The following CA10 variants were observed in gnomAD, a reference collection of about 807,000 sequenced individuals.
CA10 encodes the protein carbonic anhydrase-related protein 10.
In CA10, 14 loss-of-function variants were observed where a neutral mutation model predicts 44.2. The observed-to-expected ratio is 0.32, with a 90% CI of 0.21 to 0.50. The LOEUF (loss-of-function observed/expected upper bound fraction) is 0.50, where lower values mean the gene tolerates loss of function less well. Ranked by LOEUF, CA10 falls within the 20% of genes least tolerant of loss-of-function variation. CA10 has a pLI of 0.99. For synonymous variants in CA10, 159 were observed against 141.6 expected (o/e 1.12, Z -0.87); for missense variants, 350 against 409.7 (o/e 0.85, Z 1.26).
rs1211954051 is a variant in CA10 at position 51,938,226 on chromosome 17, G to A, written c.137-7094C>T. On this transcript the variant is annotated intron_variant, in intron 2 of 8. Coordinates refer to ENST00000451037, the MANE Select transcript of CA10 (RefSeq NM_020178.5). ...TGAGAATGTATTTATAAATGGTCTAGCATAATGTTGGCTCTATAATAAGGA... is the reference window on the plus strand; with the variant it reads ...TGAGAATGTATTTATAAATGGTCTAACATAATGTTGGCTCTATAATAAGGA... Among the ~76,000 whole-genome samples, 12 of 152,156 alleles carry A rather than the reference G, an allele frequency of 7.9e-5. No individual in the cohort carries two copies. The East Asian group carries it at 2.3e-3, about 29-fold the overall frequency.
At chr17:51,830,745 C>T (rs1178087488) in intron 3 of CA10, among the ~76,000 whole-genome samples, 1 of 152,116 alleles carries the variant, frequency 6.6e-6, no homozygotes, top group Non-Finnish European at 1.5e-5. Flanking sequence ...TTGACTGACA[C>T]TGGCTTAAGG....
At chr17:51,746,087 A>AT (rs1194392326) in intron 4 of CA10, among the ~76,000 whole-genome samples, 3 of 151,904 alleles carry the variant, frequency 2.0e-5, no homozygotes, top group African/African-American at 4.8e-5. Context: ...CAATCCTAGT[A>AT]TTTTTTTTCC....
chr17:52,105,205 A>G (rs1302399006), intron 1 of CA10, among the ~76,000 whole-genome samples: 1 of 113,588 alleles, frequency 8.8e-6, no homozygotes, highest in African/African-American at 3.0e-5. Flanking sequence ...CTGGCTTCCT[A>G]TTAAACTCTC....
rs149602723 is a variant in CA10 at position 52,078,743 on chromosome 17, C to G, written c.62-6350G>C. Among the ~76,000 whole-genome samples, 559 of 152,272 alleles carry G rather than the reference C, an allele frequency of 3.7e-3. 5 individuals carry two copies. The highest frequency in any genetic ancestry group is 0.013 in the African/African-American group (523 of 41,548). On this transcript the variant is annotated intron_variant, in intron 1 of 8. Coordinates refer to ENST00000451037, the MANE Select transcript of CA10 (RefSeq NM_020178.5). ...CAGGAACATTGAGAAGTGCATGGAT[C>G]GTCAGAAGAAACATAAATGACTGCC... is the stretch of plus-strand genomic sequence containing the variant.
chr17:51,805,334 C>T (rs569237589), intron 3 of CA10, among the ~76,000 whole-genome samples: 4 of 152,258 alleles, frequency 2.6e-5, no homozygotes, highest in African/African-American at 9.6e-5. Flanking sequence ...AAAAGTCTCT[C>T]CCTTAAGGGA....
At chr17:51,757,431 A>C (rs1905106328) in intron 3 of CA10, among the ~76,000 whole-genome samples, 1 of 152,236 alleles carries the variant, frequency 6.6e-6, no homozygotes, top group African/African-American at 2.4e-5. Flanking sequence ...CAGGAAACTG[A>C]GACACAGAGT....
chr17:52,119,904 A>G (rs1988975885), intron 1 of CA10, among the ~76,000 whole-genome samples: 1 of 152,198 alleles, frequency 6.6e-6, no homozygotes, highest in Admixed American at 6.5e-5. Flanking sequence ...CTGTGAACCA[A>G]CCAGTGATCT....
At chr17:51,969,224 G>T (rs1984190312) in intron 2 of CA10, among the ~76,000 whole-genome samples, 1 of 151,888 alleles carries the variant, frequency 6.6e-6, no homozygotes, top group South Asian at 2.1e-4. Context: ...CAGTAATATG[G>T]TTATTACAAA....
chr17:51,911,839 AT>A (rs1008379701), intron 3 of CA10, among the ~76,000 whole-genome samples: 33 of 152,182 alleles, frequency 2.2e-4, no homozygotes, highest in Non-Finnish European at 1.5e-5. Context: ...GTCCAAAAAA[AT>A]ATAATAAGCA....
At chr17:51,935,019 G>GT (rs1240131264) in intron 2 of CA10, among the ~76,000 whole-genome samples, 1 of 152,090 alleles carries the variant, frequency 6.6e-6, no homozygotes, top group East Asian at 1.9e-4. Flanking sequence ...AAGGATGGGC[G>GT]TATGAATGAA....
chr17:52,075,244 G>T (rs1180814396), intron 1 of CA10, among the ~76,000 whole-genome samples: 2 of 152,092 alleles, frequency 1.3e-5, no homozygotes, highest in African/African-American at 4.8e-5. Context: ...AAATACCTGG[G>T]CATGGTGCAC....
chr17:51,655,355 T>A (rs1451933857), intron 4 of CA10, among the ~76,000 whole-genome samples: 1 of 152,210 alleles, frequency 6.6e-6, no homozygotes, highest in Non-Finnish European at 1.5e-5. Context: ...GAGAATCCAA[T>A]AAGATAGTGC....
chr17:52,122,475 T>C (rs969737982), intron 1 of CA10, among the ~76,000 whole-genome samples: 3 of 152,202 alleles, frequency 2.0e-5, no homozygotes, highest in Non-Finnish European at 2.9e-5. Flanking sequence ...AAAAATGTTT[T>C]ATTAAAATAT....
At chr17:51,709,439 C>T (rs990981216) in intron 4 of CA10, among the ~76,000 whole-genome samples, 1 of 152,036 alleles carries the variant, frequency 6.6e-6, no homozygotes, top group African/African-American at 2.4e-5. Flanking sequence ...GTGCTGAGAC[C>T]TGAACAATGG....
chr17:52,159,276 A>G (rs775261327), upstream of CA10: 3 of 151,396 alleles, frequency 2.0e-5, no homozygotes, highest in Non-Finnish European at 2.9e-5. Flanking sequence ...TACTTACCCC[A>G]GAGTTCTTTT....
In CA10 at chr17:51,748,262, C is replaced by T. The variant is rs750865671; in HGVS notation, c.280-444G>A. ...GAGAAAATGAGTGACTAGAAGCAGA[C>T]GCTCATGGGAGATGGAAAGCCTAGG... On this transcript the variant is annotated intron_variant, in intron 3 of 8. Transcript: ENST00000451037. Among the ~76,000 whole-genome samples, 35 of 152,140 alleles carry T rather than the reference C, an allele frequency of 2.3e-4. 1 individual carries two copies. Among genetic ancestry groups the T allele is most frequent in the Admixed American group, 1.9e-3 (29 of 15,278 alleles).
At chr17:51,867,554 G>T (rs557445287) in intron 3 of CA10, among the ~76,000 whole-genome samples, 2 of 152,168 alleles carry the variant, frequency 1.3e-5, no homozygotes, top group Non-Finnish European at 2.9e-5. Context: ...GAATTAAAGC[G>T]ATGTTGCAGG....
intron 1 of CA10, among the ~76,000 whole-genome samples, chr17:52,154,920 T>C (rs969429973): frequency 6.6e-6 from 1 of 152,130 alleles, no homozygotes; most frequent in African/African-American, 2.4e-5. Flanking sequence ...TTAAGCAATA[T>C]ATCCAAATAG....
chr17:51,991,757 C>T (rs958889786), intron 2 of CA10, among the ~76,000 whole-genome samples: 28 of 152,008 alleles, frequency 1.8e-4, no homozygotes, highest in South Asian at 2.1e-4. Context: ...TGGAGTGAGC[C>T]GAGATCACGC....
Sources: gnomAD v4.1 joint callset for allele counts (sites outside exome capture counted in the v4.1 genomes callset) on GRCh38, gnomAD v4.1.1 for gene constraint, MANE v1.5 for transcripts, NCBI Gene and HGNC (gene_info 2026-07-23, HGNC 2026-07-21) for gene names.